The following CCDC141 variants were observed in gnomAD, a reference collection of about 807,000 sequenced individuals.
CCDC141 encodes the protein coiled-coil domain-containing protein 141.
Under a neutral mutation model 181.0 loss-of-function variants are expected in CCDC141, and 168 were observed. The ratio of observed to expected loss-of-function variants is 0.93; its 90% confidence interval spans 0.82 to 1.05. CCDC141 has a LOEUF of 1.05. Among genes scored for constraint, CCDC141 ranks in the 50% least tolerant of loss-of-function variants. The probability of loss-of-function intolerance (pLI) is 0.00; values close to 1 mark genes in which losing one functional copy is unlikely to be tolerated. For synonymous variants in CCDC141, 666 were observed against 642.3 expected (o/e 1.04, Z -0.56); for missense variants, 1,902 against 1,788.5 (o/e 1.06, Z -1.14).
chr2:179,038,806 G>T (rs979553363), intron 2 of CCDC141, among the ~76,000 whole-genome samples: 2 of 152,052 alleles, frequency 1.3e-5, no homozygotes, highest in Non-Finnish European at 2.9e-5. Context: ...CACTCTAAAG[G>T]GTCATTCTTC....
intron 2 of CCDC141, among the ~76,000 whole-genome samples, chr2:178,997,031 G>T (rs191521698): frequency 5.3e-4 from 81 of 152,286 alleles, no homozygotes; most frequent in Non-Finnish European, 9.7e-4. Context: ...ATAGAACAGG[G>T]ATATTTCTAG....
At chr2:178,824,985 C>T (rs144309094), downstream of CCDC141, among the ~76,000 whole-genome samples, 168 of 152,014 alleles carry the variant, frequency 1.1e-3, 1 homozygote, top group African/African-American at 3.8e-3. Flanking sequence ...AAGTACAATG[C>T]CATAATAATT....
intron 3 of CCDC141, among the ~76,000 whole-genome samples, chr2:178,976,283 G>A (rs1029016361): frequency 2.7e-4 from 41 of 152,226 alleles, no homozygotes; most frequent in Middle Eastern, 3.4e-3. Flanking sequence ...TTAAGGAAAA[G>A]TATCAGACAT....
the CCDC141 span, among the ~76,000 whole-genome samples, chr2:178,821,704 A>G: frequency 6.6e-6 from 1 of 152,180 alleles, no homozygotes; most frequent in Admixed American, 6.5e-5. Context: ...CAAAACCACA[A>G]TGAGATACCA....
Position 178,871,444 on chromosome 2 carries a change from T to G in CCDC141, c.2188A>C (p.Met730Leu). The change falls in exon 14 of 24, where the codon ATG (methionine) becomes CTG (leucine). Residue 730 changes from methionine to leucine, a missense_variant. By Grantham distance (15) the Met-to-Leu change is conservative (BLOSUM62 2). Coordinates refer to ENST00000443758, the MANE Select transcript of CCDC141 (RefSeq NM_173648.4). ...ILDLRQKWND[M>L]KPQFQQLNDE... Reference sequence around the variant, plus strand: ...TTCTTCACCTGGAACTGAGGCTTCATGTCATTCCATTTTTGTCGTAGATCT... The same window carrying G: ...TTCTTCACCTGGAACTGAGGCTTCAGGTCATTCCATTTTTGTCGTAGATCT... 1 of 1,613,834 alleles carries G rather than the reference T, an allele frequency of 6.2e-7. No homozygotes were observed. The highest frequency in any genetic ancestry group is 8.5e-7 in the Non-Finnish European group (1 of 1,179,836).
At chr2:179,033,949 A>G (rs914959389) in intron 2 of CCDC141, among the ~76,000 whole-genome samples, 1 of 152,196 alleles carries the variant, frequency 6.6e-6, no homozygotes, top group African/African-American at 2.4e-5. Flanking sequence ...AATATTTCAC[A>G]GTATGAAAAA....
chr2:178,953,361 C>G (rs1000929628), intron 5 of CCDC141, among the ~76,000 whole-genome samples: 1 of 151,214 alleles, frequency 6.6e-6, no homozygotes, highest in African/African-American at 2.4e-5. Flanking sequence ...GGCATGAACC[C>G]GGGAGGCGGA....
intron 7 of CCDC141, among the ~76,000 whole-genome samples, chr2:178,908,520 A>C (rs1688082297): frequency 1.3e-5 from 2 of 152,224 alleles, no homozygotes; most frequent in South Asian, 4.1e-4. Context: ...CAAATGCCTA[A>C]AGCAAAAATC....
intron 6 of CCDC141, among the ~76,000 whole-genome samples, chr2:178,921,917 G>A (rs1575220445): frequency 1.3e-5 from 2 of 152,138 alleles, no homozygotes; most frequent in East Asian, 1.9e-4. Flanking sequence ...AACTCAGGTG[G>A]AGAAATAATG....
In CCDC141 at chr2:178,879,267, A is replaced by G. The variant is rs1486337860; in HGVS notation, c.1720-1124T>C. On this transcript the variant is annotated intron_variant, in intron 11 of 23. Transcript: ENST00000443758. ...AATAATACTAATGGCTGACAGGACC[A>G]GACTTAAATAGCTTGTAACTCCCAA... 3.9e-5 allele frequency among the ~76,000 whole-genome samples: 6 copies of G among 152,370 alleles called. No homozygotes were observed. In the East Asian group the frequency reaches 1.2e-3, roughly 29 times the overall value.
intron 8 of CCDC141, among the ~76,000 whole-genome samples, chr2:178,891,016 GC>G (rs1316543213): frequency 3.9e-5 from 6 of 152,074 alleles, no homozygotes; most frequent in Admixed American, 3.9e-4. Flanking sequence ...GACATAACTT[GC>G]CCTAGAGACA....
chr2:179,018,485 C>G (rs1279773609), intron 2 of CCDC141, among the ~76,000 whole-genome samples: 1 of 152,136 alleles, frequency 6.6e-6, no homozygotes, highest in Non-Finnish European at 1.5e-5. Context: ...CAGTCTCTTT[C>G]AAATAATGTC....
chr2:178,972,634 T>C (rs1690944912), intron 4 of CCDC141, among the ~76,000 whole-genome samples: 1 of 152,170 alleles, frequency 6.6e-6, no homozygotes. Context: ...GTGTTTTGGA[T>C]TGAGGGCAAC....
At chr2:179,001,445 A>G (rs2041973728) in intron 2 of CCDC141, among the ~76,000 whole-genome samples, 1 of 152,210 alleles carries the variant, frequency 6.6e-6, no homozygotes, top group East Asian at 1.9e-4. Context: ...ATATACTCCA[A>G]CTGGCTAGAA....
chr2:178,984,112 A>G (rs183682107), intron 2 of CCDC141, among the ~76,000 whole-genome samples: 7,117 of 152,308 alleles, frequency 0.047, 214 homozygotes, highest in South Asian at 0.077. Context: ...CTAACAGTGG[A>G]TCTCTCGGCA....
rs1372333006 is a variant in CCDC141 at position 178,837,441 on chromosome 2, C to A, written c.3778G>T (p.Asp1260Tyr). 1.2e-6 allele frequency: 2 copies of A among 1,614,090 alleles called. No individual in the cohort carries two copies. The highest frequency in any genetic ancestry group is 1.7e-5 in the Admixed American group (1 of 60,016). ...GVQAGTSSPG[D>Y]AQESVLPPPV... ...GGTGGAAGAACAGATTCCTGGGCAT[C>A]CCCTGGGCTGCTGGTCCCAGCCTGC... The change falls in exon 23 of 24, where the codon GAT (aspartate) becomes TAT (tyrosine). Residue 1260 changes from aspartate (D) to tyrosine (Y), a missense_variant. Coordinates refer to ENST00000443758, the MANE Select transcript of CCDC141 (RefSeq NM_173648.4).
chr2:178,950,181 A>G (rs1486821924), intron 5 of CCDC141, among the ~76,000 whole-genome samples: 6 of 152,238 alleles, frequency 3.9e-5, no homozygotes, highest in Non-Finnish European at 8.8e-5. Context: ...TCAGTTATTT[A>G]TCTTCTTTAA....
At chr2:179,016,768 A>G (rs1257879874) in intron 2 of CCDC141, among the ~76,000 whole-genome samples, 2 of 152,064 alleles carry the variant, frequency 1.3e-5, no homozygotes. Flanking sequence ...GTGGAAAACA[A>G]GTGGAATTCT....
intron 17 of CCDC141, among the ~76,000 whole-genome samples, chr2:178,861,902 A>C (rs894103525): frequency 6.6e-6 from 1 of 152,188 alleles, no homozygotes; most frequent in African/African-American, 2.4e-5. Context: ...TATTGTCTGC[A>C]CTATACCATT....
Sources: gnomAD v4.1 joint callset for allele counts (sites outside exome capture counted in the v4.1 genomes callset) on GRCh38, gnomAD v4.1.1 for gene constraint, MANE v1.5 for transcripts, NCBI Gene and HGNC (gene_info 2026-07-23, HGNC 2026-07-21) for gene names.